SINHCAF: variants seen among roughly 807,000 people sequenced by gnomAD.
SINHCAF encodes the protein SIN3-HDAC complex-associated factor.
In SINHCAF, 3 loss-of-function variants were observed where a neutral mutation model predicts 25.8. The ratio of observed to expected loss-of-function variants is 0.12; its 90% confidence interval spans 0.05 to 0.30. The LOEUF is 0.30. Ranked by LOEUF, SINHCAF falls within the 10% of genes least tolerant of loss-of-function variation. The pLI, the probability that SINHCAF is intolerant of heterozygous loss-of-function variation, is 1.00. For missense variants in SINHCAF, 121 were observed against 262.3 expected, an observed-to-expected ratio of 0.46 and a Z score of 3.72; for synonymous variants, 70 against 85.5, an observed-to-expected ratio of 0.82 and a Z score of 1.00.
chr12:31,303,014 G>A, intron 1 of SINHCAF: 1 of 984,754 alleles, frequency 1.0e-6, no homozygotes, highest in Non-Finnish European at 1.2e-6. Flanking sequence ...TCATCTATCT[G>A]TCTATCTACA....
intron 1 of SINHCAF, chr12:31,311,989 G>A (rs999953387): frequency 2.5e-5 from 18 of 707,466 alleles, no homozygotes; most frequent in Non-Finnish European, 3.9e-5. Context: ...TAGCCTTTCA[G>A]CTAGCTGTTT....
intron 5 of SINHCAF, among the ~76,000 whole-genome samples, chr12:31,285,730 C>T (rs1938033164): frequency 6.6e-6 from 1 of 152,048 alleles, no homozygotes; most frequent in Non-Finnish European, 1.5e-5. Context: ...AATCCCAGCA[C>T]TTTGGGAGGT....
chr12:31,311,702 A>G (rs1939278299), intron 1 of SINHCAF: 1 of 498,136 alleles, frequency 2.0e-6, no homozygotes, highest in Non-Finnish European at 3.9e-6. Flanking sequence ...AGCATTGAGA[A>G]AAATGGTGAA....
intron 5 of SINHCAF, among the ~76,000 whole-genome samples, chr12:31,286,348 G>A (rs964638137): frequency 2.0e-5 from 3 of 151,820 alleles, no homozygotes; most frequent in African/African-American, 7.3e-5. Context: ...CCACTAAGAA[G>A]ACAACACCTT....
rs1265686351 is a variant in SINHCAF at position 31,287,744 on chromosome 12, A to G, written c.396T>C (p.Ala132=). The G allele has an allele frequency of 5.6e-6, 9 of 1,610,564 alleles. No individual in the cohort carries two copies. Among genetic ancestry groups the G allele is most frequent in the Non-Finnish European group, 3.4e-6 (4 of 1,177,896 alleles). ...AHSTTSSASP[A]QSPCYSNQSD... ...ACTGGTTACTGTAACAAGGAGATTG[A>G]GCTGGGGAGGCACTTGAGGTGGTAC... Residue 132 remains alanine, a synonymous_variant, in exon 5 of 6, where the codon GCT becomes GCC. Coordinates refer to ENST00000337682, the MANE Select transcript of SINHCAF (RefSeq NM_001135812.2).
intron 1 of SINHCAF, among the ~76,000 whole-genome samples, chr12:31,307,045 G>A (rs1592978221): frequency 6.6e-6 from 1 of 152,146 alleles, no homozygotes. Context: ...TGTCCTTGGG[G>A]TAAAAAGTTG....
intron 1 of SINHCAF, among the ~76,000 whole-genome samples, chr12:31,300,073 G>A (rs1259324762): frequency 1.3e-5 from 2 of 152,054 alleles, no homozygotes; most frequent in Non-Finnish European, 2.9e-5. Flanking sequence ...ATTTGTCTTT[G>A]GATTATCTCG....
chr12:31,302,056 C>G (rs984150021), intron 1 of SINHCAF, among the ~76,000 whole-genome samples: 42 of 152,072 alleles, frequency 2.8e-4, no homozygotes, highest in African/African-American at 8.7e-4. Context: ...TCATATCACT[C>G]AGCACTATGT....
chr12:31,314,326 C>T (rs1565503393), intron 1 of SINHCAF, among the ~76,000 whole-genome samples: 1 of 151,804 alleles, frequency 6.6e-6, no homozygotes, highest in Non-Finnish European at 1.5e-5. Context: ...AGATTGAGAC[C>T]ATCCTGCCTA....
chr12:31,311,113 C>T (rs895885194), intron 1 of SINHCAF, among the ~76,000 whole-genome samples: 3 of 152,142 alleles, frequency 2.0e-5, no homozygotes, highest in African/African-American at 2.4e-5. Flanking sequence ...ATGATCCACC[C>T]GCCTTGGCCT....
chr12:31,287,009 T>C (rs1281030175), intron 5 of SINHCAF, among the ~76,000 whole-genome samples: 1 of 152,178 alleles, frequency 6.6e-6, no homozygotes, highest in African/African-American at 2.4e-5. Context: ...CCTAACCTCC[T>C]AGGCTCAAAC....
intron 3 of SINHCAF, 50 bp from the exon 4 acceptor site, chr12:31,293,981 G>A (rs769213049): frequency 1.3e-6 from 2 of 1,486,670 alleles, no homozygotes; most frequent in Non-Finnish European, 1.8e-6. Flanking sequence ...TGACACCAGT[G>A]TATCCCTTTG....
rs1331011921 is a variant in SINHCAF at position 31,320,596 on chromosome 12, CAG to C, written c.-21+5426_-21+5427del. On this transcript the variant is annotated intron_variant, in intron 1 of 5. Coordinates refer to ENST00000337682, the MANE Select transcript of SINHCAF (RefSeq NM_001135812.2). ...GTGGGGCAGCCAAGATTAATATAAACAGTATATTTAAGGGCATGGAATGGGAA... is the reference window on the plus strand; with the variant it reads ...GTGGGGCAGCCAAGATTAATATAAACTATATTTAAGGGCATGGAATGGGAA... 2.0e-5 allele frequency among the ~76,000 whole-genome samples: 3 copies of C among 151,978 alleles called. No homozygotes were observed. In the East Asian group the frequency reaches 5.8e-4, roughly 29 times the overall value.
At position 31,298,371 on chromosome 12, in the gene SINHCAF, C is replaced by T. The variant is rs915961825; in HGVS notation, c.-20-147G>A. On this transcript the variant is annotated intron_variant, in intron 1 of 5. Transcript: ENST00000337682. Reference sequence around the variant, plus strand: ...CAGCTCAAGGGAAGACCTCCTGGATCGACCTCCATTCTTGGCACTATCAAG... The same window carrying T: ...CAGCTCAAGGGAAGACCTCCTGGATTGACCTCCATTCTTGGCACTATCAAG... 2.6e-5 allele frequency: 20 copies of T among 776,112 alleles called. No individual in the cohort carries two copies. In the African/African-American group the frequency reaches 3.1e-4, roughly 12 times the overall value. 48.1% of individuals were successfully genotyped at this position (776,112 alleles called of 1,614,324 possible).
intron 4 of SINHCAF, among the ~76,000 whole-genome samples, chr12:31,289,757 T>A (rs1403016030): frequency 6.6e-6 from 1 of 151,998 alleles, no homozygotes; most frequent in African/African-American, 2.4e-5. Context: ...TCAAATCCTA[T>A]GTTACATGCT....
At chr12:31,289,185 T>C (rs970924002) in intron 4 of SINHCAF, among the ~76,000 whole-genome samples, 1 of 152,120 alleles carries the variant, frequency 6.6e-6, no homozygotes, top group South Asian at 2.1e-4. Context: ...AACATACATC[T>C]ACATTCATGT....
At chr12:31,311,693 G>T in intron 1 of SINHCAF, 1 of 490,644 alleles carries the variant, frequency 2.0e-6, no homozygotes, top group Non-Finnish European at 4.0e-6. Flanking sequence ...AAGTATGCAA[G>T]CATTGAGAAA....
At chr12:31,301,587 G>C (rs1938797050) in intron 1 of SINHCAF, among the ~76,000 whole-genome samples, 1 of 152,084 alleles carries the variant, frequency 6.6e-6, no homozygotes, top group Admixed American at 6.5e-5. Flanking sequence ...CACTTAAGAG[G>C]CACCTGGGAA....
intron 1 of SINHCAF, among the ~76,000 whole-genome samples, chr12:31,301,327 CTGA>C (rs1314571109): frequency 6.6e-6 from 1 of 152,138 alleles, no homozygotes; most frequent in East Asian, 1.9e-4. Flanking sequence ...GGAGAATAGG[CTGA>C]TGTCTTAGGA....
Sources: allele counts gnomAD v4.1 joint callset (sites outside exome capture counted in the v4.1 genomes callset), GRCh38; gene constraint gnomAD v4.1.1; transcripts MANE v1.5; gene names NCBI Gene and HGNC (gene_info 2026-07-23, HGNC 2026-07-21).